Variants in ZNF362 observed in about 807,000 individuals in gnomAD.
ZNF362 encodes the protein rotund homolog.
In ZNF362, 11 loss-of-function variants were observed where a neutral mutation model predicts 42.9. The observed-to-expected ratio is 0.26, with a 90% CI of 0.16 to 0.42. ZNF362 has a LOEUF of 0.42. Ranked by LOEUF, ZNF362 falls within the 20% of genes least tolerant of loss-of-function variation. ZNF362 has a pLI of 1.00. For missense variants in ZNF362, 362 were observed against 576.2 expected, an observed-to-expected ratio of 0.63 and a Z score of 3.81; for synonymous variants, 255 against 257.3, an observed-to-expected ratio of 0.99 and a Z score of 0.09.
chr1:33,281,228 C>T lies in ZNF362; in HGVS notation c.684-359C>T, dbSNP rs1019152264. The stretch of plus-strand genomic sequence containing the variant: ...GGCGTTGGTATTTCTTAGACGCTCC[C>T]CAGATGATTCTAATGAGCAGCCTGG... On this transcript the variant is annotated intron_variant, in intron 5 of 8. Transcript: ENST00000539719. This position sits in a 1 kb window ranked among gnomAD's most constrained non-coding sequence, Gnocchi z 4.8. Among the ~76,000 whole-genome samples, 2 of 152,122 alleles carry T rather than the reference C, an allele frequency of 1.3e-5. No homozygotes were observed. Among genetic ancestry groups the T allele is most frequent in the African/African-American group, 4.8e-5 (2 of 41,418 alleles).
intron 6 of ZNF362, among the ~76,000 whole-genome samples, chr1:33,282,740 T>TGG (rs1646004685): frequency 2.6e-5 from 4 of 151,818 alleles, no homozygotes; most frequent in Admixed American, 1.3e-4. Context: ...GAGACTCGCT[T>TGG]GAACCCAGGA....
chr1:33,146,182 C>T, the ZNF362 span: 1 of 263,110 alleles, frequency 3.8e-6, no homozygotes, highest in Non-Finnish European at 7.5e-6. Flanking sequence ...TTGCAAGCCA[C>T]CAGGGGCCAG....
At chr1:33,238,610 T>C in the ZNF362 span, among the ~76,000 whole-genome samples, 3 of 152,116 alleles carry the variant, frequency 2.0e-5, no homozygotes, top group Non-Finnish European at 4.4e-5. Flanking sequence ...GGAGTTGTTA[T>C]GGACTGAATT....
intron 6 of ZNF362, among the ~76,000 whole-genome samples, chr1:33,293,469 CTCTAAG>C (rs1015453896): frequency 2.0e-5 from 3 of 152,198 alleles, no homozygotes; most frequent in Admixed American, 2.0e-4. Context: ...AACCCTGTGT[CTCTAAG>C]TCTAACACTG....
chr1:33,221,222 C>T, the ZNF362 span, among the ~76,000 whole-genome samples: 4 of 152,314 alleles, frequency 2.6e-5, no homozygotes, highest in South Asian at 8.3e-4. Flanking sequence ...ATGTAAGAGG[C>T]TTAAGCAAAC....
chr1:33,188,076 A>G, the ZNF362 span, among the ~76,000 whole-genome samples: 1 of 152,126 alleles, frequency 6.6e-6, no homozygotes, highest in Non-Finnish European at 1.5e-5. Flanking sequence ...TCTACTAAAA[A>G]TACAAAAATT....
At chr1:33,243,055 G>T in the ZNF362 span, among the ~76,000 whole-genome samples, 1 of 151,634 alleles carries the variant, frequency 6.6e-6, no homozygotes, top group African/African-American at 2.4e-5. Flanking sequence ...TATAATGAGA[G>T]ATATTCAAAA....
chr1:33,252,960 T>C (rs745393249), upstream of ZNF362, among the ~76,000 whole-genome samples: 2 of 151,948 alleles, frequency 1.3e-5, no homozygotes, highest in Non-Finnish European at 2.9e-5. Context: ...TTTATTCCGA[T>C]GCATCGTGAT....
the ZNF362 span, among the ~76,000 whole-genome samples, chr1:33,179,295 T>C: frequency 6.6e-6 from 1 of 152,142 alleles, no homozygotes; most frequent in Non-Finnish European, 1.5e-5. Flanking sequence ...CTCAGACAGC[T>C]AGACTGGAAG....
chr1:33,196,451 A>G, the ZNF362 span, among the ~76,000 whole-genome samples: 2 of 152,116 alleles, frequency 1.3e-5, no homozygotes, highest in African/African-American at 4.8e-5. Context: ...CTAGGCCCAC[A>G]CAGGGTCAAG....
chr1:33,240,022 T>C, the ZNF362 span, among the ~76,000 whole-genome samples: 2 of 152,214 alleles, frequency 1.3e-5, no homozygotes, highest in African/African-American at 4.8e-5. Context: ...GAATGCCAAC[T>C]ACTAAATATA....
the ZNF362 span, among the ~76,000 whole-genome samples, chr1:33,161,979 A>G: frequency 3.9e-5 from 6 of 152,136 alleles, no homozygotes; most frequent in African/African-American, 1.4e-4. This position sits in a 1 kb window ranked among gnomAD's most constrained non-coding sequence, Gnocchi z 4.3. Flanking sequence ...TCCCAAGTCC[A>G]TATAGATGGC....
intron 1 of ZNF362, among the ~76,000 whole-genome samples, chr1:33,258,675 G>A (rs1190055895): frequency 6.6e-6 from 1 of 152,144 alleles, no homozygotes; most frequent in South Asian, 2.1e-4. Context: ...TGGAAGATCC[G>A]TTTTGAACAG....
the ZNF362 span, among the ~76,000 whole-genome samples, chr1:33,136,327 T>C: frequency 1.3e-5 from 2 of 149,406 alleles, no homozygotes; most frequent in Non-Finnish European, 3.0e-5. Flanking sequence ...TTTTTCTTTC[T>C]TTCCTTCCTT....
the ZNF362 span, among the ~76,000 whole-genome samples, chr1:33,194,604 A>G: frequency 6.6e-6 from 1 of 151,190 alleles, no homozygotes; most frequent in South Asian, 2.1e-4. Context: ...GATACTTACT[A>G]TTAATAGCAA....
At chr1:33,147,699 G>C in the ZNF362 span, 1 of 1,613,102 alleles carries the variant, frequency 6.2e-7, no homozygotes. The surrounding 1 kb of genome is among the most constrained non-coding windows in gnomAD (Gnocchi z 8.1). Flanking sequence ...GGTGGGCTGT[G>C]CCCGGGTCCA....
At chr1:33,284,118 G>A (rs545456637) in intron 6 of ZNF362, among the ~76,000 whole-genome samples, 8 of 152,254 alleles carry the variant, frequency 5.3e-5, no homozygotes, top group South Asian at 2.1e-4. Flanking sequence ...GTAATGTGGC[G>A]GTTACCCTTT....
the ZNF362 span, among the ~76,000 whole-genome samples, chr1:33,231,701 T>TGTA: frequency 6.6e-6 from 1 of 152,162 alleles, no homozygotes; most frequent in Non-Finnish European, 1.5e-5. Context: ...TGATTATCAT[T>TGTA]GTGTCCCCAC....
the ZNF362 span, among the ~76,000 whole-genome samples, chr1:33,185,368 C>A: frequency 6.6e-6 from 1 of 151,930 alleles, no homozygotes; most frequent in Non-Finnish European, 1.5e-5. Flanking sequence ...ATTACAGGTG[C>A]CCGCCACCAC....
Sources: gnomAD v4.1 joint callset for allele counts (sites outside exome capture counted in the v4.1 genomes callset) on GRCh38, gnomAD v4.1.1 for gene constraint, Gnocchi (gnomAD v3.1) non-coding constraint, MANE v1.5 for transcripts, NCBI Gene and HGNC (gene_info 2026-07-23, HGNC 2026-07-21) for gene names.